Variants in AFF1 observed in about 807,000 individuals in gnomAD.
The protein encoded by AFF1 is ALF transcription elongation factor 1, also known as AF4/FMR2 family member 1.
In AFF1, 48 loss-of-function variants were observed where a neutral mutation model predicts 121.7. The observed-to-expected ratio is 0.39, with a 90% CI of 0.31 to 0.50. The LOEUF is 0.50. Among genes scored for constraint, AFF1 ranks in the 20% least tolerant of loss-of-function variants. The pLI is 0.76. For synonymous variants in AFF1, 613 were observed against 563.0 expected, an observed-to-expected ratio of 1.09 and a Z score of -1.26; for missense variants, 1,523 against 1,511.7, an observed-to-expected ratio of 1.01 and a Z score of -0.12.
chr4:86,997,141 A>C (rs111384576), intron 2 of AFF1, among the ~76,000 whole-genome samples: 24 of 152,240 alleles, frequency 1.6e-4, no homozygotes, highest in African/African-American at 5.8e-4. Flanking sequence ...CGAACTCCTG[A>C]GGTCAGGTGA....
intron 2 of AFF1, among the ~76,000 whole-genome samples, chr4:86,996,596 G>T (rs1302457770): frequency 1.3e-5 from 2 of 151,140 alleles, no homozygotes; most frequent in Admixed American, 6.6e-5. Flanking sequence ...GCGGAAGGCC[G>T]CAGGGTCCTC....
chr4:87,007,088 C>T, intron 2 of AFF1: 1 of 1,241,796 alleles, frequency 8.1e-7, no homozygotes, highest in Non-Finnish European at 1.0e-6. Flanking sequence ...CTGGCTTTCC[C>T]TTCTCAGAAA....
chr4:86,986,432 G>A lies in AFF1; in HGVS notation c.38+37861G>A, dbSNP rs1482994263. Among the ~76,000 whole-genome samples the A allele has an allele frequency of 4.6e-5, 7 of 152,140 alleles. 1 individual carries two copies. The highest frequency in any genetic ancestry group is 7.4e-5 in the Non-Finnish European group (5 of 68,002). ...AGAGTTAACTATTGTGCCTCTTCTC[G>A]TGATTTAATGAGGTATAGACTAACC... On this transcript the variant is annotated intron_variant, in intron 2 of 20. Transcript: ENST00000395146.
At chr4:87,027,784 G>GTTTTTTTTTTTTTTTT (rs35903702) in intron 2 of AFF1, among the ~76,000 whole-genome samples, 2 of 90,598 alleles carry the variant, frequency 2.2e-5, no homozygotes, top group Non-Finnish European at 4.1e-5. Flanking sequence ...TTGCTGTTGG[G>GTTTTTTTTTTTTTTTT]TTTTTTTTTT....
chr4:86,951,887 T>TCCC (rs1721371338), intron 2 of AFF1, among the ~76,000 whole-genome samples: 1 of 151,900 alleles, frequency 6.6e-6, no homozygotes, highest in Non-Finnish European at 1.5e-5. Flanking sequence ...GTGCTGGGAT[T>TCCC]ACAGGCGTGG....
At chr4:86,991,671 G>A (rs941831543) in intron 2 of AFF1, among the ~76,000 whole-genome samples, 3 of 150,442 alleles carry the variant, frequency 2.0e-5, no homozygotes, top group Non-Finnish European at 4.4e-5. Flanking sequence ...TTTTTACTAC[G>A]TTTTTTTTTA....
At chr4:86,969,663 G>A (rs557431736) in intron 2 of AFF1, among the ~76,000 whole-genome samples, 4 of 150,962 alleles carry the variant, frequency 2.6e-5, no homozygotes, top group South Asian at 4.2e-4. Flanking sequence ...GGCGGATCAC[G>A]AGGTCGGGAG....
At chr4:86,991,868 T>C (rs1179864538) in intron 2 of AFF1, among the ~76,000 whole-genome samples, 2 of 149,530 alleles carry the variant, frequency 1.3e-5, no homozygotes, top group Non-Finnish European at 3.0e-5. Context: ...TCCTTTTCCA[T>C]TATTGAAATA....
chr4:87,094,446 C>T (rs180716412), intron 7 of AFF1, among the ~76,000 whole-genome samples: 180 of 152,268 alleles, frequency 1.2e-3, no homozygotes, highest in Non-Finnish European at 1.7e-3. Context: ...CTATAAATAG[C>T]TGCTGAATGA....
intron 1 of AFF1, among the ~76,000 whole-genome samples, chr4:86,942,669 G>A (rs573531384): frequency 3.3e-5 from 5 of 152,294 alleles, no homozygotes; most frequent in African/African-American, 1.2e-4. Flanking sequence ...CCTAGTTCTG[G>A]TTTTTTGATG....
intron 4 of AFF1, among the ~76,000 whole-genome samples, chr4:87,054,199 TA>T (rs985288514): frequency 1.3e-5 from 2 of 152,330 alleles, no homozygotes; most frequent in Admixed American, 1.3e-4. Context: ...GGCCCTCCCC[TA>T]GGGGGGCTGA....
chr4:87,072,545 G>A (rs971145761), intron 4 of AFF1, among the ~76,000 whole-genome samples: 16 of 151,578 alleles, frequency 1.1e-4, no homozygotes, highest in African/African-American at 3.9e-4. Flanking sequence ...TTTTTGAGAT[G>A]GAGTTTTGCT....
rs1340176620 is a variant in AFF1, at chr4:87,127,179, A to C, written c.2903+62A>C. 9.0e-5 allele frequency: 92 copies of C among 1,023,800 alleles called. 1 individual carries two copies. The highest frequency in any genetic ancestry group is 1.4e-4 in the African/African-American group (7 of 48,690). 63.4% of individuals were successfully genotyped at this position (1,023,800 alleles called of 1,614,324 possible). A position where few individuals can be genotyped will look rare whatever the true frequency, so the allele number is the denominator to read the frequency against. ...TTTTGTTTTGCTTCCCCCCCCCACC[A>C]AGATAGAGTCTCACTCTGTCACCCA... On this transcript the variant is annotated intron_variant, in intron 15 of 20. Coordinates refer to ENST00000395146, the MANE Select transcript of AFF1 (RefSeq NM_001166693.3).
intron 4 of AFF1, among the ~76,000 whole-genome samples, chr4:87,076,825 C>A (rs1188432383): frequency 1.3e-5 from 2 of 152,220 alleles, no homozygotes; most frequent in East Asian, 3.9e-4. Flanking sequence ...TCCCTTTGAA[C>A]GTTTTCCAGC....
intron 8 of AFF1, among the ~76,000 whole-genome samples, chr4:87,097,397 T>C (rs1457756782): frequency 3.3e-5 from 5 of 152,184 alleles, no homozygotes; most frequent in Non-Finnish European, 7.3e-5. Context: ...TCCATCAGCT[T>C]TCAGACTTTC....
At chr4:86,970,756 T>C (rs1722884441) in intron 2 of AFF1, among the ~76,000 whole-genome samples, 1 of 152,172 alleles carries the variant, frequency 6.6e-6, no homozygotes, top group African/African-American at 2.4e-5. Flanking sequence ...AGCAGAGACC[T>C]GAGGAAGTTT....
intron 5 of AFF1, 116 bp from the exon 6 acceptor site, chr4:87,089,868 A>T: frequency 1.5e-6 from 1 of 678,482 alleles, no homozygotes; most frequent in Non-Finnish European, 2.4e-6. Flanking sequence ...AATAACTTTT[A>T]AGATTGTACT....
At chr4:87,057,131 A>G (rs542289993) in intron 4 of AFF1, among the ~76,000 whole-genome samples, 1 of 152,076 alleles carries the variant, frequency 6.6e-6, no homozygotes, top group African/African-American at 2.4e-5. Flanking sequence ...CACTCTGGTG[A>G]AAGGTACATC....
At chr4:86,995,019 T>C (rs1391005917) in intron 2 of AFF1, among the ~76,000 whole-genome samples, 2 of 152,048 alleles carry the variant, frequency 1.3e-5, no homozygotes, top group Non-Finnish European at 2.9e-5. Context: ...GGCAGGTGGA[T>C]CACCTGAGTC....
Sources: gnomAD v4.1 joint callset for allele counts (sites outside exome capture counted in the v4.1 genomes callset) on GRCh38, gnomAD v4.1.1 for gene constraint, MANE v1.5 for transcripts, NCBI Gene and HGNC (gene_info 2026-07-23, HGNC 2026-07-21) for gene names.